NAALADL2: variants seen among roughly 807,000 people sequenced by gnomAD.
NAALADL2 encodes inactive N-acetylated-alpha-linked acidic dipeptidase-like protein 2.
NAALADL2 carries 76 observed loss-of-function variants against 87.2 expected under a neutral mutation model. The observed-to-expected ratio is 0.87, with a 90% CI of 0.72 to 1.05. The LOEUF is 1.05. Ranked by LOEUF, NAALADL2 falls within the 50% of genes least tolerant of loss-of-function variation. The pLI is 0.00. For missense variants in NAALADL2, 1,089 were observed against 945.8 expected, an observed-to-expected ratio of 1.15 and a Z score of -1.99; for synonymous variants, 354 against 331.0, an observed-to-expected ratio of 1.07 and a Z score of -0.75.
At chr3:174,448,144 T>C (rs901773354) in intron 1 of NAALADL2, among the ~76,000 whole-genome samples, 1 of 152,184 alleles carries the variant, frequency 6.6e-6, no homozygotes, top group Non-Finnish European at 1.5e-5. Flanking sequence ...TATTTTGAAA[T>C]TATTGACATA....
At chr3:174,819,055 A>ATT (rs1443066755) in intron 3 of NAALADL2, among the ~76,000 whole-genome samples, 2 of 51,798 alleles carry the variant, frequency 3.9e-5, no homozygotes, top group African/African-American at 6.5e-5. Flanking sequence ...TATACCATTT[A>ATT]TTCTTTTTTT....
chr3:174,493,835 T>C (rs1718358164), intron 1 of NAALADL2, among the ~76,000 whole-genome samples: 1 of 152,230 alleles, frequency 6.6e-6, no homozygotes, highest in Non-Finnish European at 1.5e-5. Flanking sequence ...ATGTAGTCTA[T>C]GCCCTTGAAG....
intron 1 of NAALADL2, among the ~76,000 whole-genome samples, chr3:174,458,155 T>C: frequency 6.6e-6 from 1 of 152,220 alleles, no homozygotes; most frequent in Non-Finnish European, 1.5e-5. Context: ...AAATGAATTT[T>C]TTTAATTTAT....
At chr3:175,090,470 C>T (rs370056825) in intron 1 of NAALADL2, among the ~76,000 whole-genome samples, 28 of 152,134 alleles carry the variant, frequency 1.8e-4, no homozygotes, top group Middle Eastern at 3.4e-3. Flanking sequence ...GCACACAGGG[C>T]CCCAAAGGTT....
In NAALADL2 at chr3:175,755,233, C is replaced by T; in HGVS notation, c.2004C>T (p.Asn668=). 1.9e-6 allele frequency: 3 copies of T among 1,612,698 alleles called. No homozygotes were observed. In the South Asian group the frequency reaches 3.3e-5, roughly 18 times the overall value. Residue 668 remains asparagine (N), a synonymous_variant, in exon 13 of 14, where the codon AAC becomes AAT. Coordinates refer to ENST00000454872, the MANE Select transcript of NAALADL2 (RefSeq NM_207015.3). ...VQNNLKGDQP[N]THQLLAMALR... ...TATCTTCACCAGGTGATCAACCCAA[C>T]ACTCATCAACTGTTAGCCATGGCGT...
chr3:174,942,654 C>T (rs55682734), intron 1 of NAALADL2, among the ~76,000 whole-genome samples: 19,947 of 152,132 alleles, frequency 0.13, 2,766 homozygotes, highest in African/African-American at 0.36. Context: ...TTCTCCCCCT[C>T]CTTTTCAGGG....
chr3:175,367,361 A>G (rs1042178981), intron 5 of NAALADL2, among the ~76,000 whole-genome samples: 6 of 122,370 alleles, frequency 4.9e-5, no homozygotes, highest in Admixed American at 8.3e-5. Flanking sequence ...TTGCTTCCAT[A>G]TGAACTTTAA....
At chr3:174,852,186 A>G (rs1725329954) in intron 3 of NAALADL2, among the ~76,000 whole-genome samples, 1 of 152,130 alleles carries the variant, frequency 6.6e-6, no homozygotes, top group South Asian at 2.1e-4. Flanking sequence ...CACTTTCACT[A>G]CTTTTATTTC....
At chr3:174,718,692 T>C (rs2108943110) in intron 2 of NAALADL2, among the ~76,000 whole-genome samples, 1 of 152,338 alleles carries the variant, frequency 6.6e-6, no homozygotes, top group East Asian at 1.9e-4. Flanking sequence ...AATTTCAGAA[T>C]TTGGATTAGA....
At chr3:175,289,073 G>T (rs1755326360) in intron 4 of NAALADL2, among the ~76,000 whole-genome samples, 1 of 151,936 alleles carries the variant, frequency 6.6e-6, no homozygotes, top group Non-Finnish European at 1.5e-5. Context: ...CTTTTGTATG[G>T]TTTATGTAAG....
chr3:175,733,010 C>A (rs1743990720), intron 11 of NAALADL2, among the ~76,000 whole-genome samples: 1 of 152,058 alleles, frequency 6.6e-6, no homozygotes, highest in African/African-American at 2.4e-5. Flanking sequence ...CCATCATCTA[C>A]ATTTACCTAT....
chr3:175,710,670 CTA>C (rs1740408138), intron 11 of NAALADL2, among the ~76,000 whole-genome samples: 1 of 151,014 alleles, frequency 6.6e-6, no homozygotes. Context: ...ATATATATGT[CTA>C]TATTTTGAGA....
At chr3:175,187,550 C>A (rs73881437) in intron 2 of NAALADL2, among the ~76,000 whole-genome samples, 1 of 152,238 alleles carries the variant, frequency 6.6e-6, no homozygotes, top group African/African-American at 2.4e-5. Flanking sequence ...GATTGTAGAA[C>A]AAAGTGCTTC....
chr3:174,861,406 T>C (rs2109537812), intron 1 of NAALADL2, among the ~76,000 whole-genome samples: 1 of 152,190 alleles, frequency 6.6e-6, no homozygotes, highest in East Asian at 1.9e-4. Flanking sequence ...AAATCTGAAA[T>C]TGAGTTTCAA....
chr3:174,494,430 C>T (rs1239831022), intron 1 of NAALADL2, among the ~76,000 whole-genome samples: 3 of 145,906 alleles, frequency 2.1e-5, no homozygotes, highest in South Asian at 4.3e-4. Flanking sequence ...ACAATGAGAA[C>T]ACTTGGACAC....
At chr3:175,530,720 G>A (rs979567078) in intron 9 of NAALADL2, among the ~76,000 whole-genome samples, 1 of 152,152 alleles carries the variant, frequency 6.6e-6, no homozygotes, top group Non-Finnish European at 1.5e-5. Context: ...ACTTTCTCAT[G>A]TAACTTACTT....
intron 3 of NAALADL2, among the ~76,000 whole-genome samples, chr3:174,810,781 G>T (rs976116109): frequency 1.3e-5 from 2 of 152,168 alleles, no homozygotes; most frequent in African/African-American, 4.8e-5. Flanking sequence ...AGGAAGTGCT[G>T]ATACTCAAGA....
In NAALADL2 at chr3:175,597,519, A is replaced by T. The variant is rs147555976; in HGVS notation, c.1800+21332A>T. ...AATATCTTTAATCTTTAATCTCTTTATCTATAGAGTGAGAGTCATGATACC... is the reference window on the plus strand; with the variant it reads ...AATATCTTTAATCTTTAATCTCTTTTTCTATAGAGTGAGAGTCATGATACC... On this transcript the variant is annotated intron_variant, in intron 10 of 13. Transcript: ENST00000454872. 3.0e-3 allele frequency among the ~76,000 whole-genome samples: 460 copies of T among 152,034 alleles called. 1 individual carries two copies. Among genetic ancestry groups the T allele is most frequent in the African/African-American group, 0.01 (436 of 41,526 alleles).
intron 1 of NAALADL2, among the ~76,000 whole-genome samples, chr3:174,486,830 A>G (rs1165424287): frequency 6.6e-6 from 1 of 151,978 alleles, no homozygotes; most frequent in Non-Finnish European, 1.5e-5. Context: ...TGTTCTGTCC[A>G]TATAATACTC....
Sources: gnomAD v4.1 joint callset for allele counts (sites outside exome capture counted in the v4.1 genomes callset) on GRCh38, gnomAD v4.1.1 for gene constraint, MANE v1.5 for transcripts, NCBI Gene and HGNC (gene_info 2026-07-23, HGNC 2026-07-21) for gene names.